Variants in ERLIN1 observed in about 807,000 individuals in gnomAD.
ERLIN1 encodes the protein erlin-1.
ERLIN1 carries 24 observed loss-of-function variants against 46.9 expected under a neutral mutation model. The ratio of observed to expected loss-of-function variants is 0.51; its 90% CI spans 0.37 to 0.72. The LOEUF is 0.72. Ranked by LOEUF, ERLIN1 falls within the 30% of genes least tolerant of loss-of-function variation. The pLI is 0.00. For missense variants in ERLIN1, 293 were observed against 417.9 expected (o/e 0.70, Z 2.61); for synonymous variants, 158 against 143.2 (o/e 1.10, Z -0.74).
At chr10:100,167,494 C>G (rs898800773) in intron 6 of ERLIN1, 88 bp from the exon 7 acceptor site, 5 of 1,030,354 alleles carry the variant, frequency 4.9e-6, no homozygotes, top group Non-Finnish European at 7.3e-6. Flanking sequence ...TCAAATGATA[C>G]TAATCTAATA....
At chr10:100,158,469 G>C (rs781553109) in intron 8 of ERLIN1, among the ~76,000 whole-genome samples, 1 of 151,384 alleles carries the variant, frequency 6.6e-6, no homozygotes, top group Non-Finnish European at 1.5e-5. Flanking sequence ...ACCATTCAAG[G>C]ATAAAATAAA....
intron 8 of ERLIN1, among the ~76,000 whole-genome samples, chr10:100,163,383 A>AG (rs1217464165): frequency 6.6e-6 from 1 of 151,678 alleles, no homozygotes. Flanking sequence ...TTTCTTAAAA[A>AG]AAAAAAAAAA....
intron 10 of ERLIN1, 46 bp from the exon 11 acceptor site, chr10:100,152,398 C>T: frequency 9.5e-7 from 1 of 1,052,888 alleles, no homozygotes; most frequent in Non-Finnish European, 1.5e-6. Flanking sequence ...TACTCTGGTG[C>T]AACAGTCTTC....
At chr10:100,162,217 T>C (rs185364111) in intron 8 of ERLIN1, among the ~76,000 whole-genome samples, 42 of 152,124 alleles carry the variant, frequency 2.8e-4, no homozygotes, top group African/African-American at 1.0e-3. Flanking sequence ...AATCAAATAA[T>C]GGGCTAAGGA....
At chr10:100,161,789 T>G (rs1391990976) in intron 8 of ERLIN1, among the ~76,000 whole-genome samples, 2 of 152,164 alleles carry the variant, frequency 1.3e-5, no homozygotes, top group African/African-American at 4.8e-5. Flanking sequence ...AGTATCTTAT[T>G]ATATGATGGA....
intron 2 of ERLIN1, among the ~76,000 whole-genome samples, chr10:100,179,611 T>C (rs1405038261): frequency 1.3e-5 from 2 of 150,072 alleles, no homozygotes; most frequent in Non-Finnish European, 2.9e-5. Flanking sequence ...TATGCACCAC[T>C]ACGCTCAGCT....
intron 4 of ERLIN1, among the ~76,000 whole-genome samples, chr10:100,176,896 G>A (rs1247849471): frequency 6.6e-6 from 1 of 152,184 alleles, no homozygotes; most frequent in Non-Finnish European, 1.5e-5. Context: ...GCTGAGGTGG[G>A]TGGATCATTT....
In ERLIN1 at chr10:100,156,240, A is replaced by ACTGCCTTTTTCCTC; in HGVS notation, c.656-7_656-6insGAGGAAAAAGGCAG. ...TTGTGCAATCTTCTCTGCTTCTATA[A>ACTGCCTTTTTCCTC]TCATACAACATAAGAAGACACATTC... is the stretch of plus-strand genomic sequence containing the variant. On this transcript the variant is annotated splice_region_variant and splice_polypyrimidine_tract_variant and intron_variant, in intron 8 of 10. Transcript: ENST00000421367. 1 of 1,592,226 alleles carries ACTGCCTTTTTCCTC rather than the reference A, an allele frequency of 6.3e-7. No homozygotes were observed.
At position 100,152,357 on chromosome 10, in the gene ERLIN1, G is replaced by A. The variant is rs747951974; in HGVS notation, c.826-5C>T. On this transcript the variant is annotated splice_region_variant and splice_polypyrimidine_tract_variant and intron_variant, in intron 10 of 10. Coordinates refer to ENST00000421367, the MANE Select transcript of ERLIN1 (RefSeq NM_006459.4). ...ATATTCCGGGGTCAACTTGTGCTGT[G>A]TGGGAGCAAACAAGAGCAAAGGCAT... 2.5e-6 allele frequency: 4 copies of A among 1,577,876 alleles called. No homozygotes were observed. Among genetic ancestry groups the A allele is most frequent in the South Asian group, 2.2e-5 (2 of 90,572 alleles).
intron 1 of ERLIN1, among the ~76,000 whole-genome samples, chr10:100,184,749 A>G (rs1844863866): frequency 6.6e-6 from 1 of 152,214 alleles, no homozygotes; most frequent in African/African-American, 2.4e-5. Flanking sequence ...TACCATTAAA[A>G]TTGCTCTTTT....
intron 8 of ERLIN1, 145 bp from the exon 9 acceptor site, chr10:100,156,379 G>A (rs192589167): frequency 1.8e-4 from 111 of 603,736 alleles, no homozygotes; most frequent in Non-Finnish European, 2.1e-5. Context: ...TAGTCAGACT[G>A]TAAACTACTC....
rs1589567222 is a variant in ERLIN1, at chr10:100,185,862, A to C, written c.-236T>G. The C allele has an allele frequency of 5.5e-6, 3 of 545,570 alleles. No homozygotes were observed. Among genetic ancestry groups the C allele is most frequent in the Admixed American group, 3.3e-5 (1 of 30,048 alleles). The allele number at this position is 545,570 out of a possible 1,614,324, so 33.8% of individuals were successfully genotyped here. ...GCCCCTGCTCGGTGAGCTTCCTGAAACTCCCTCTCCCAAGGGTCGCTCCCG... is the reference window on the plus strand; with the variant it reads ...GCCCCTGCTCGGTGAGCTTCCTGAACCTCCCTCTCCCAAGGGTCGCTCCCG... On this transcript the variant is annotated 5_prime_UTR_variant, in exon 1 of 11. Coordinates refer to ENST00000421367, the MANE Select transcript of ERLIN1 (RefSeq NM_006459.4).
intron 8 of ERLIN1, among the ~76,000 whole-genome samples, chr10:100,162,095 T>C (rs1843390530): frequency 6.6e-6 from 1 of 152,122 alleles, no homozygotes. Flanking sequence ...TCGAAGACAT[T>C]GTAAAGTTCA....
chr10:100,163,631 A>C (rs1843477579), intron 8 of ERLIN1, among the ~76,000 whole-genome samples: 1 of 152,212 alleles, frequency 6.6e-6, no homozygotes, highest in African/African-American at 2.4e-5. Context: ...GGTAAAACTA[A>C]GTGCATGTCA....
chr10:100,179,346 ACAG>A, intron 2 of ERLIN1, 99 bp from the exon 3 acceptor site: 1 of 734,714 alleles, frequency 1.4e-6, no homozygotes, highest in Non-Finnish European at 2.4e-6. Flanking sequence ...GACAGTAAGT[ACAG>A]CAGAGATCCA....
At chr10:100,185,030 T>G (rs1456155931) in intron 1 of ERLIN1, among the ~76,000 whole-genome samples, 1 of 152,022 alleles carries the variant, frequency 6.6e-6, no homozygotes, top group Non-Finnish European at 1.5e-5. Flanking sequence ...CCATCAGTGT[T>G]GTGCTTATGT....
At position 100,157,786 on chromosome 10, in the gene ERLIN1, T is replaced by G. The variant is rs185102291; in HGVS notation, c.656-1552A>C. Among the ~76,000 whole-genome samples, 3 of 152,290 alleles carry G rather than the reference T, an allele frequency of 2.0e-5. No individual in the cohort carries two copies. The East Asian group carries it at 5.8e-4, about 29-fold the overall frequency. On this transcript the variant is annotated intron_variant, in intron 8 of 10. Transcript: ENST00000421367. ...GCCTGCAGCTAGAACCCAAAGGATGTTACCTCAACATAGGGGGACTGTTGT... is the reference window on the plus strand; with the variant it reads ...GCCTGCAGCTAGAACCCAAAGGATGGTACCTCAACATAGGGGGACTGTTGT...
chr10:100,170,008 A>G (rs1469984318), intron 6 of ERLIN1, among the ~76,000 whole-genome samples: 1 of 152,134 alleles, frequency 6.6e-6, no homozygotes, highest in African/African-American at 2.4e-5. Flanking sequence ...ACAGAGGGAG[A>G]CCCTGTCTCA....
At chr10:100,169,188 A>G (rs1564808533) in intron 6 of ERLIN1, among the ~76,000 whole-genome samples, 1 of 152,180 alleles carries the variant, frequency 6.6e-6, no homozygotes, top group Admixed American at 6.5e-5. Context: ...TCTCCCTCAC[A>G]GGAGAGAGAG....
Sources: gnomAD v4.1 joint callset for allele counts (sites outside exome capture counted in the v4.1 genomes callset) on GRCh38, gnomAD v4.1.1 for gene constraint, MANE v1.5 for transcripts, NCBI Gene and HGNC (gene_info 2026-07-23, HGNC 2026-07-21) for gene names.